ILDR2: variants seen among roughly 807,000 people sequenced by gnomAD.
ILDR2 encodes immunoglobulin like domain containing receptor 2.
ILDR2 carries 25 observed loss-of-function variants against 66.8 expected under a neutral mutation model. That is an observed-to-expected ratio of 0.37 (90% confidence interval 0.27 to 0.52). The LOEUF is 0.52. Among genes scored for constraint, ILDR2 ranks in the 20% least tolerant of loss-of-function variants. The pLI, the probability that ILDR2 is intolerant of heterozygous loss-of-function variation, is 0.88. For missense variants in ILDR2, 827 were observed against 876.8 expected, an observed-to-expected ratio of 0.94 and a Z score of 0.72; for synonymous variants, 367 against 357.2, an observed-to-expected ratio of 1.03 and a Z score of -0.31.
intron 6 of ILDR2, 108 bp from the exon 7 acceptor site, chr1:166,927,288 C>CT: frequency 1.4e-6 from 1 of 696,306 alleles, no homozygotes. Flanking sequence ...TATAACAACT[C>CT]TTTTTGAAAT....
At chr1:166,964,847 AAC>A (rs1318714739) in intron 1 of ILDR2, among the ~76,000 whole-genome samples, 1 of 152,266 alleles carries the variant, frequency 6.6e-6, no homozygotes, top group Non-Finnish European at 1.5e-5. Flanking sequence ...AAGAATAACA[AAC>A]ACAGACTCTA....
intron 6 of ILDR2, among the ~76,000 whole-genome samples, chr1:166,928,070 AAG>A (rs1311492821): frequency 6.6e-6 from 1 of 152,214 alleles, no homozygotes; most frequent in African/African-American, 2.4e-5. Flanking sequence ...AGATAAGAGA[AAG>A]AGGAAAAAAC....
chr1:166,957,770 A>G lies in ILDR2; in HGVS notation c.378T>C (p.His126=), dbSNP rs777307170. The change falls in exon 2 of 10, where the codon CAT becomes CAC. Residue 126 remains histidine, a splice_region_variant and synonymous_variant. Coordinates refer to ENST00000271417, the MANE Select transcript of ILDR2 (RefSeq NM_199351.3). ...GATTCAAAATAGGGGCATTATTACCATGAACAATCGTGATCTCTCTGCCCC... is the reference window on the plus strand; with the variant it reads ...GATTCAAAATAGGGGCATTATTACCGTGAACAATCGTGATCTCTCTGCCCC... ...FYRGREITIV[H]DADLQIGKLM... 3.7e-6 allele frequency: 6 copies of G among 1,603,612 alleles called. No individual in the cohort carries two copies. The highest frequency in any genetic ancestry group is 3.3e-4 in the Middle Eastern group (2 of 6,028).
intron 6 of ILDR2, among the ~76,000 whole-genome samples, chr1:166,932,905 AAAG>A (rs1361589797): frequency 6.6e-6 from 1 of 152,232 alleles, no homozygotes; most frequent in African/African-American, 2.4e-5. Flanking sequence ...AATGTTCTTT[AAAG>A]AATAATCTAC....
chr1:166,906,617 T>C (rs1378670241), downstream of ILDR2, among the ~76,000 whole-genome samples: 1 of 152,172 alleles, frequency 6.6e-6, no homozygotes, highest in Non-Finnish European at 1.5e-5. Context: ...CACAAAGAGC[T>C]TTGTGTGTTC....
chr1:166,920,563 T>C, intron 9 of ILDR2, 144 bp downstream of exon 9: 2 of 913,594 alleles, frequency 2.2e-6, no homozygotes, highest in Admixed American at 8.4e-5. Flanking sequence ...GCGGACGAAC[T>C]CGCCCAGGCA....
intron 1 of ILDR2, among the ~76,000 whole-genome samples, chr1:166,967,220 C>T (rs191754237): frequency 3.3e-5 from 5 of 152,300 alleles, no homozygotes; most frequent in Admixed American, 3.3e-4. Context: ...CTTTTCTTGC[C>T]CCTTCCTGCT....
At position 166,936,553 on chromosome 1, in the gene ILDR2, C is replaced by T. The variant is rs767194673; in HGVS notation, c.703+38G>A. The T allele has an allele frequency of 6.2e-7, 1 of 1,613,582 alleles. No individual in the cohort carries two copies. Among genetic ancestry groups the T allele is most frequent in the Non-Finnish European group, 8.5e-7 (1 of 1,179,752 alleles). On this transcript the variant is annotated intron_variant, in intron 5 of 9. Transcript: ENST00000271417. This position sits in a 1 kb window ranked among gnomAD's most constrained non-coding sequence, Gnocchi z 5.0. ...GTCAGGTAGAGAGGTAGACATTTCT[C>T]TCGATCGCTCTGTCTCCCCAGCGGT...
In ILDR2 at chr1:166,919,485, G is replaced by T. The variant is rs575144831; in HGVS notation, c.1885-95C>A. On this transcript the variant is annotated intron_variant, in intron 9 of 9. Coordinates refer to ENST00000271417, the MANE Select transcript of ILDR2 (RefSeq NM_199351.3). ...GTTCTCTGGGCAGAGTCCACAACCCGTTCAGTGCCAGGCACCCCTGATTCT... is the reference window on the plus strand; with the variant it reads ...GTTCTCTGGGCAGAGTCCACAACCCTTTCAGTGCCAGGCACCCCTGATTCT... 2.9e-5 allele frequency: 33 copies of T among 1,137,020 alleles called. No homozygotes were observed. In the East Asian group the frequency reaches 8.2e-4, roughly 28 times the overall value. 70.4% of individuals were successfully genotyped at this position (1,137,020 alleles called of 1,614,324 possible).
At position 166,956,859 on chromosome 1, in the gene ILDR2, T is replaced by C. The variant is rs759511705; in HGVS notation, c.380-7A>G. 6.2e-6 allele frequency: 10 copies of C among 1,612,776 alleles called. No individual in the cohort carries two copies. Among genetic ancestry groups the C allele is most frequent in the Non-Finnish European group, 8.5e-6 (10 of 1,179,510 alleles). On this transcript the variant is annotated splice_polypyrimidine_tract_variant and splice_region_variant and intron_variant, in intron 2 of 9. Transcript: ENST00000271417. ...CCAATTTGAAGATCTGCATCTGTTATCACAAAAAGAAGGACTCAGTCCTAA... is the reference window on the plus strand; with the variant it reads ...CCAATTTGAAGATCTGCATCTGTTACCACAAAAAGAAGGACTCAGTCCTAA...
intron 9 of ILDR2, among the ~76,000 whole-genome samples, chr1:166,920,066 A>T (rs549214785): frequency 6.6e-6 from 1 of 152,328 alleles, no homozygotes; most frequent in African/African-American, 2.4e-5. Flanking sequence ...GGCATTTTGA[A>T]AATAATGAAG....
At chr1:166,932,157 A>G (rs1660677997) in intron 6 of ILDR2, among the ~76,000 whole-genome samples, 2 of 152,236 alleles carry the variant, frequency 1.3e-5, no homozygotes, top group African/African-American at 4.8e-5. Context: ...AGTGCTGAGA[A>G]AGGCAAAGAA....
At chr1:166,926,577 C>T in intron 7 of ILDR2, among the ~76,000 whole-genome samples, 1 of 151,754 alleles carries the variant, frequency 6.6e-6, no homozygotes, top group South Asian at 2.1e-4. Flanking sequence ...AAGGCTAGCA[C>T]CCTTCACGTT....
intron 7 of ILDR2, among the ~76,000 whole-genome samples, chr1:166,923,949 G>C (rs575994736): frequency 6.6e-6 from 1 of 152,264 alleles, no homozygotes; most frequent in Admixed American, 6.5e-5. Flanking sequence ...TGTTGAGTGA[G>C]AGGTGGGCCA....
At position 166,914,868 on chromosome 1, in the gene ILDR2, AATCTG is replaced by A. The variant is rs1659583330; in HGVS notation, c.*4482_*4486del. The A allele has an allele frequency of 6.6e-6, 1 of 152,224 alleles. No homozygotes were observed. Among genetic ancestry groups the A allele is most frequent in the Non-Finnish European group, 1.5e-5 (1 of 68,046 alleles). The allele number at this position is 152,224 out of a possible 1,614,324, so 9.4% of individuals were successfully genotyped here. On this transcript the variant is annotated 3_prime_UTR_variant, in exon 10 of 10. Transcript: ENST00000271417. ...TCCATTAAGATGCTGGCAGCATTTA[AATCTG>A]ATTTTGGAAGGATATAAAATGAGGA...
At chr1:166,960,178 G>A (rs552318869) in intron 1 of ILDR2, among the ~76,000 whole-genome samples, 36 of 152,262 alleles carry the variant, frequency 2.4e-4, no homozygotes, top group South Asian at 1.0e-3. Flanking sequence ...TGGGGAAAAG[G>A]GTTTCTGCAT....
rs945153813 is a variant in ILDR2 at position 166,908,803 on chromosome 1, G to A, written c.*10552C>T. 2.6e-5 allele frequency: 4 copies of A among 152,208 alleles called. No homozygotes were observed. In the East Asian group the frequency reaches 7.7e-4, roughly 29 times the overall value. 9.4% of individuals were successfully genotyped at this position (152,208 alleles called of 1,614,324 possible). ...TATATGGAAGGCTCTGGTAGGATTTGTCACTGAACTGTGGTAAAAACAGCC... is the reference window on the plus strand; with the variant it reads ...TATATGGAAGGCTCTGGTAGGATTTATCACTGAACTGTGGTAAAAACAGCC... On this transcript the variant is annotated 3_prime_UTR_variant, in exon 10 of 10. Transcript: ENST00000271417.
chr1:166,974,277 C>CA (rs2102046802), intron 1 of ILDR2, among the ~76,000 whole-genome samples: 1 of 152,318 alleles, frequency 6.6e-6, no homozygotes, highest in South Asian at 2.1e-4. Flanking sequence ...CCAAGCTATC[C>CA]AGACATTCCT....
intron 4 of ILDR2, among the ~76,000 whole-genome samples, chr1:166,938,541 G>C (rs1183674689): frequency 2.0e-5 from 3 of 152,136 alleles, no homozygotes; most frequent in African/African-American, 7.2e-5. Flanking sequence ...TGTGTCCTTG[G>C]GAGCAACATC....
Sources: gnomAD v4.1 joint callset for allele counts (sites outside exome capture counted in the v4.1 genomes callset) on GRCh38, gnomAD v4.1.1 for gene constraint, Gnocchi (gnomAD v3.1) non-coding constraint, MANE v1.5 for transcripts, NCBI Gene and HGNC (gene_info 2026-07-23, HGNC 2026-07-21) for gene names.